Variants in GMDS observed in about 807,000 individuals in gnomAD.
GMDS encodes the protein GDP-mannose 4,6-dehydratase, also known as GDP-mannose 4,6 dehydratase.
A neutral mutation model predicts 49.9 loss-of-function variants in GMDS; 20 were observed. The ratio of observed to expected loss-of-function variants is 0.40; its 90% CI spans 0.28 to 0.58. The LOEUF is 0.58. Ranked by LOEUF, GMDS falls within the 20% of genes least tolerant of loss-of-function variation. The probability of loss-of-function intolerance (pLI) is 0.42; values close to 1 mark genes in which losing one functional copy is unlikely to be tolerated. For synonymous variants in GMDS, 177 were observed against 178.6 expected (o/e 0.99, Z 0.07); for missense variants, 362 against 481.4 (o/e 0.75, Z 2.32).
intron 7 of GMDS, among the ~76,000 whole-genome samples, chr6:1,900,062 C>A (rs114735974): frequency 6.6e-6 from 1 of 152,230 alleles, no homozygotes; most frequent in Non-Finnish European, 1.5e-5. Flanking sequence ...TCTGAGTCAA[C>A]GTTCAAGGCT....
intron 7 of GMDS, among the ~76,000 whole-genome samples, chr6:1,876,050 G>C (rs1378606861): frequency 1.4e-5 from 2 of 147,384 alleles, no homozygotes; most frequent in African/African-American, 5.1e-5. Context: ...AAAAAAATGT[G>C]AGCATAAATA....
In GMDS at chr6:1,834,646, T is replaced by A. The variant is rs532373972; in HGVS notation, c.772-92060A>T. Among the ~76,000 whole-genome samples the A allele has an allele frequency of 6.7e-4, 102 of 152,348 alleles. 1 individual carries two copies. Among genetic ancestry groups the A allele is most frequent in the African/African-American group, 1.9e-3 (79 of 41,580 alleles). On this transcript the variant is annotated intron_variant, in intron 7 of 10. Transcript: ENST00000380815. The stretch of plus-strand genomic sequence containing the variant: ...AAGAGAATTGAAGGGCAATTTCTTA[T>A]TAAACAATTTCCTATTAAACTTATT...
intron 1 of GMDS, among the ~76,000 whole-genome samples, chr6:2,223,258 C>T (rs1343495943): frequency 3.9e-5 from 6 of 151,900 alleles, no homozygotes; most frequent in Admixed American, 6.6e-5. Context: ...AGAAACTATC[C>T]GTACAAAATG....
chr6:2,126,414 T>C (rs1314639475), intron 1 of GMDS, among the ~76,000 whole-genome samples: 1 of 152,056 alleles, frequency 6.6e-6, no homozygotes, highest in Non-Finnish European at 1.5e-5. Flanking sequence ...CAAAAGCTCC[T>C]ACCAGATATT....
At chr6:2,092,919 A>C (rs1365525290) in intron 4 of GMDS, among the ~76,000 whole-genome samples, 1 of 152,248 alleles carries the variant, frequency 6.6e-6, no homozygotes, top group African/African-American at 2.4e-5. Flanking sequence ...AGATACAGAA[A>C]GATAATAGGA....
At chr6:2,147,798 G>A (rs1032111990) in intron 1 of GMDS, among the ~76,000 whole-genome samples, 1 of 149,964 alleles carries the variant, frequency 6.7e-6, no homozygotes, top group Admixed American at 6.7e-5. Context: ...ATGTAAAGAT[G>A]TATCCAAGCC....
intron 7 of GMDS, among the ~76,000 whole-genome samples, chr6:1,864,125 CATT>C (rs1227708467): frequency 2.6e-5 from 4 of 152,062 alleles, no homozygotes; most frequent in Non-Finnish European, 5.9e-5. Context: ...GGAGATAAAA[CATT>C]ATAAATATCA....
At chr6:2,215,135 C>G (rs1026151098) in intron 1 of GMDS, among the ~76,000 whole-genome samples, 3 of 151,920 alleles carry the variant, frequency 2.0e-5, no homozygotes, top group Admixed American at 6.6e-5. Context: ...CAAATTCAGA[C>G]TATGGAAGAA....
chr6:1,921,432 TC>T lies in GMDS; in HGVS notation c.771+8670del, dbSNP rs567376898. Among the ~76,000 whole-genome samples the T allele has an allele frequency of 6.6e-5, 10 of 152,318 alleles. No individual in the cohort carries two copies. In the East Asian group the frequency reaches 1.9e-3, roughly 29 times the overall value. On this transcript the variant is annotated intron_variant, in intron 7 of 10. Coordinates refer to ENST00000380815, the MANE Select transcript of GMDS (RefSeq NM_001500.4). ...TGGGGACACAGCAGCTTCTGGGATG[TC>T]ATTCCAATCAAGCAAGACCTAGCCA...
At chr6:1,737,566 AC>A (rs1241708105) in intron 8 of GMDS, among the ~76,000 whole-genome samples, 3 of 149,688 alleles carry the variant, frequency 2.0e-5, no homozygotes, top group African/African-American at 7.4e-5. Context: ...ACACACACAC[AC>A]CACACACACA....
intron 1 of GMDS, among the ~76,000 whole-genome samples, chr6:2,135,698 A>T (rs1026157079): frequency 6.6e-6 from 1 of 152,234 alleles, no homozygotes; most frequent in African/African-American, 2.4e-5. Context: ...GCACTGGCCA[A>T]CAGAAATATA....
intron 4 of GMDS, among the ~76,000 whole-genome samples, chr6:2,047,685 C>T (rs770924180): frequency 1.3e-5 from 2 of 152,008 alleles, no homozygotes; most frequent in African/African-American, 2.4e-5. Flanking sequence ...GATGGGGTCT[C>T]GCCATGTTAG....
At chr6:1,869,442 G>C (rs995500855) in intron 7 of GMDS, among the ~76,000 whole-genome samples, 4 of 152,154 alleles carry the variant, frequency 2.6e-5, no homozygotes, top group Non-Finnish European at 4.4e-5. Context: ...AAAGAAGAGG[G>C]TGGCATGGGG....
chr6:2,111,577 TC>T (rs1774545588), intron 4 of GMDS, among the ~76,000 whole-genome samples: 1 of 152,110 alleles, frequency 6.6e-6, no homozygotes. Flanking sequence ...CTAGCCCACA[TC>T]AAGTTAACTG....
intron 7 of GMDS, among the ~76,000 whole-genome samples, chr6:1,846,788 AGC>A (rs1757433337): frequency 3.3e-5 from 5 of 152,258 alleles, no homozygotes; most frequent in Non-Finnish European, 7.3e-5. Flanking sequence ...GCCTCAGGGC[AGC>A]ATTTGAGCAG....
intron 8 of GMDS, among the ~76,000 whole-genome samples, chr6:1,740,333 G>T (rs928708850): frequency 6.6e-6 from 1 of 152,138 alleles, no homozygotes. Flanking sequence ...GAGGTGGGCG[G>T]ATCACTTGAG....
intron 4 of GMDS, among the ~76,000 whole-genome samples, chr6:2,100,914 T>C (rs750460780): frequency 3.3e-5 from 5 of 152,048 alleles, no homozygotes; most frequent in Non-Finnish European, 5.9e-5. Context: ...AAGGTTACAA[T>C]TGTACTAGTA....
chr6:1,838,938 C>T (rs1281290044), intron 7 of GMDS, among the ~76,000 whole-genome samples: 1 of 152,194 alleles, frequency 6.6e-6, no homozygotes, highest in African/African-American at 2.4e-5. Flanking sequence ...GTCCAAATTA[C>T]ATGCCCATGT....
chr6:2,094,174 A>G (rs1773468611), intron 4 of GMDS, among the ~76,000 whole-genome samples: 1 of 152,234 alleles, frequency 6.6e-6, no homozygotes, highest in African/African-American at 2.4e-5. Context: ...ACTACATGTG[A>G]CAGTGAGGCA....
Sources: allele counts gnomAD v4.1 joint callset (sites outside exome capture counted in the v4.1 genomes callset), GRCh38; gene constraint gnomAD v4.1.1; transcripts MANE v1.5; gene names NCBI Gene and HGNC (gene_info 2026-07-23, HGNC 2026-07-21).